Variants in ZNF511 observed in about 807,000 individuals in gnomAD.
ZNF511 encodes the protein zinc finger protein 511.
A neutral mutation model predicts 24.8 loss-of-function variants in ZNF511; 26 were observed. That is an observed-to-expected ratio of 1.05 (90% CI 0.77 to 1.46). The LOEUF (loss-of-function observed/expected upper bound fraction) is 1.46, where lower values mean the gene tolerates loss of function less well. Ranked by LOEUF, ZNF511 falls within the 40% of genes most tolerant of loss-of-function variation. The pLI, the probability that ZNF511 is intolerant of heterozygous loss-of-function variation, is 0.00. For synonymous variants in ZNF511, 144 were observed against 139.6 expected, an observed-to-expected ratio of 1.03 and a Z score of -0.22; for missense variants, 358 against 345.0, an observed-to-expected ratio of 1.04 and a Z score of -0.30.
rs1387797380 is a variant in ZNF511 at position 133,308,986 on chromosome 10, C to A, written c.43C>A (p.Pro15Thr). 8.0e-7 allele frequency: 1 copy of A among 1,246,372 alleles called. No individual in the cohort carries two copies. Among genetic ancestry groups the A allele is most frequent in the Non-Finnish European group, 1.0e-6 (1 of 987,948 alleles). 77.2% of individuals were successfully genotyped at this position (1,246,372 alleles called of 1,614,324 possible). Residue 15 changes from proline to threonine, a missense_variant, in exon 1 of 6, where the codon CCC (proline) becomes ACC (threonine). Coordinates refer to ENST00000361518, the MANE Select transcript of ZNF511 (RefSeq NM_145806.4). ...GCTGTGCGCCCGCCTCGCTGCGGGG[C>A]CCGGGGCGGCGGAGCCGCTGCCTGT... is the stretch of plus-strand genomic sequence containing the variant. ...PALCARLAAG[P>T]GAAEPLPVER...
chr10:133,311,019 C>T (rs1357431758), intron 4 of ZNF511, among the ~76,000 whole-genome samples: 2 of 152,204 alleles, frequency 1.3e-5, no homozygotes, highest in Non-Finnish European at 2.9e-5. Flanking sequence ...CCAGTCTGGT[C>T]GTGAACTCCT....
chr10:133,309,426 G>A lies in ZNF511; in HGVS notation c.190G>A (p.Val64Met). 1.2e-6 allele frequency: 2 copies of A among 1,612,590 alleles called. No homozygotes were observed. The highest frequency in any genetic ancestry group is 1.7e-6 in the Non-Finnish European group (2 of 1,179,762). The change falls in exon 2 of 6, where the codon GTG (valine) becomes ATG (methionine). Residue 64 changes from valine to methionine, a missense_variant. Coordinates refer to ENST00000361518, the MANE Select transcript of ZNF511 (RefSeq NM_145806.4). Reference protein sequence around the residue: ...DVQRHLYLQDVIMQVADVPEK... With the variant: ...DVQRHLYLQDMIMQVADVPEK... ...GCAGCGCCACCTCTACCTCCAGGAC[G>A]TGATCATGCAGGTGGCCGACGTGCC...
In ZNF511 at chr10:133,309,956, CCTGT is replaced by C. The variant is rs767561618; in HGVS notation, c.412_415del (p.Ser138ArgfsTer10). 22 of 1,613,288 alleles carry C rather than the reference CCTGT, an allele frequency of 1.4e-5. No individual in the cohort carries two copies. The highest frequency in any genetic ancestry group is 2.2e-5 in the East Asian group (1 of 44,884). On this transcript the variant is annotated frameshift_variant, in exon 3 of 6. Coordinates refer to ENST00000361518, the MANE Select transcript of ZNF511 (RefSeq NM_145806.4). LOFTEE classifies it high-confidence loss of function. Reference sequence around the variant, plus strand: ...AGTGGCACGATTCGCTCTTCCAGATCCTGTCTGAGAGGCAGGACATGGTGGGTGA... The same window carrying C: ...AGTGGCACGATTCGCTCTTCCAGATCCTGAGAGGCAGGACATGGTGGGTGA...
Position 133,311,819 on chromosome 10 carries a change from G to A in ZNF511, c.658G>A (p.Glu220Lys), listed in dbSNP as rs376621716. ...PVAASPAPAG[E>K]RRIYRHRIPS... ...GGCAGCCTCCCCTGCACCGGCAGGT[G>A]AGAGGCGGATCTACAGACATAGGTC... is the stretch of plus-strand genomic sequence containing the variant. The change falls in exon 5 of 6, where the codon GAG becomes AAG. Residue 220 changes from glutamate (E) to lysine (K), a missense_variant. Coordinates refer to ENST00000361518, the MANE Select transcript of ZNF511 (RefSeq NM_145806.4). The A allele has an allele frequency of 4.6e-5, 74 of 1,613,220 alleles. No individual in the cohort carries two copies. The highest frequency in any genetic ancestry group is 1.7e-4 in the Admixed American group (10 of 60,014).
rs907133614 is a variant in ZNF511, at chr10:133,308,940, G to C, written c.-4G>C. On this transcript the variant is annotated 5_prime_UTR_variant, in exon 1 of 6. Transcript: ENST00000361518. ...ACAGGCTGCGCCCGCCCGCGCCCGG[G>C]GTGATGCAGTTGCCCCCCGCGCTGT... 1 of 1,227,404 alleles carries C rather than the reference G, an allele frequency of 8.1e-7. No individual in the cohort carries two copies. The highest frequency in any genetic ancestry group is 1.0e-6 in the Non-Finnish European group (1 of 979,276). The allele number at this position is 1,227,404 out of a possible 1,614,324, so 76.0% of individuals were successfully genotyped here.
At chr10:133,312,580 G>T in intron 5 of ZNF511, 1 of 1,453,560 alleles carries the variant, frequency 6.9e-7, no homozygotes, top group South Asian at 1.4e-5. Context: ...TTCCCAGCGG[G>T]TGTGCGTTGG....
chr10:133,311,588 A>G, intron 4 of ZNF511, 128 bp from the exon 5 acceptor site: 12 of 789,700 alleles, frequency 1.5e-5, no homozygotes, highest in Non-Finnish European at 2.4e-5. Context: ...AAATCAGACT[A>G]TGCCAAAATA....
intron 4 of ZNF511, 74 bp downstream of exon 4, chr10:133,310,362 A>G (rs943942265): frequency 6.3e-7 from 1 of 1,580,522 alleles, no homozygotes; most frequent in South Asian, 1.1e-5. Flanking sequence ...CGGAATGCAT[A>G]GACGGTCAGA....
chr10:133,310,506 C>A, intron 4 of ZNF511: 1 of 592,798 alleles, frequency 1.7e-6, no homozygotes, highest in Non-Finnish European at 2.9e-6. Context: ...CCTGGCTGCC[C>A]AGCTCTGTGC....
intron 4 of ZNF511, 135 bp downstream of exon 4, chr10:133,310,423 T>C (rs1010490616): frequency 1.8e-6 from 2 of 1,141,848 alleles, no homozygotes; most frequent in Non-Finnish European, 2.5e-6. Context: ...TGCAGGTACC[T>C]GAAGCCCTGG....
At chr10:133,309,222 C>A in intron 1 of ZNF511, 126 bp downstream of exon 1, 1 of 712,532 alleles carries the variant, frequency 1.4e-6, no homozygotes, top group Non-Finnish European at 1.8e-6. Flanking sequence ...CTGGGACAGG[C>A]GGGACCTGAG....
chr10:133,312,758 G>A (rs1432593799), intron 5 of ZNF511, 30 bp from the exon 6 acceptor site: 3 of 1,614,002 alleles, frequency 1.9e-6, no homozygotes, highest in East Asian at 4.5e-5. Context: ...GGCAAATACA[G>A]CATCTAATAG....
chr10:133,310,092 A>G, intron 3 of ZNF511, 72 bp from the exon 4 acceptor site: 1 of 1,611,308 alleles, frequency 6.2e-7, no homozygotes, highest in Non-Finnish European at 8.5e-7. Context: ...CGCCCTTGGC[A>G]GCTCTGCTAC....
rs1184133666 is a variant in ZNF511, at chr10:133,309,875, C to T, written c.327C>T (p.Cys109=). 2 of 1,613,852 alleles carry T rather than the reference C, an allele frequency of 1.2e-6. No homozygotes were observed. ...HHYHTLHGNV[C]SFCKRAFPSG... is the part of the protein sequence containing the mutation. ...ACCACACGCTGCACGGAAATGTTTG[C>T]TCCTTTTGCAAGCGGGCCTTCCCTT... is the stretch of plus-strand genomic sequence containing the variant. Residue 109 remains cysteine (C), a synonymous_variant, in exon 3 of 6, where the codon TGC becomes TGT. Transcript: ENST00000361518.
intron 4 of ZNF511, 146 bp downstream of exon 4, chr10:133,310,434 C>A: frequency 9.7e-7 from 1 of 1,035,952 alleles, no homozygotes; most frequent in Non-Finnish European, 1.4e-6. Flanking sequence ...GAAGCCCTGG[C>A]AACACAGCTA....
chr10:133,309,545 C>T (rs1355176790), intron 2 of ZNF511, 82 bp downstream of exon 2: 6 of 1,497,036 alleles, frequency 4.0e-6, no homozygotes, highest in Admixed American at 3.8e-5. Flanking sequence ...GCTGTGCTGC[C>T]GCTCTTCCAT....
At chr10:133,312,560 TGC>T in intron 5 of ZNF511, 1 of 1,417,740 alleles carries the variant, frequency 7.1e-7, no homozygotes, top group Non-Finnish European at 9.2e-7. Context: ...CCGCCCTCTC[TGC>T]GGAGTTCTTC....
Position 133,309,405 on chromosome 10 carries a change from C to T in ZNF511, c.169C>T (p.Arg57Cys), listed in dbSNP as rs370544381. The stretch of plus-strand genomic sequence containing the variant: ...TTTCCTGCAGGATGGGGACGTGCAG[C>T]GCCACCTCTACCTCCAGGACGTGAT... ...HQFFEDGDVQRHLYLQDVIMQ... is the reference protein window; with the variant it reads ...HQFFEDGDVQCHLYLQDVIMQ... Residue 57 changes from arginine (R) to cysteine (C), a missense_variant, in exon 2 of 6, where the codon CGC becomes TGC. Arg to Cys is a radical substitution (Grantham distance 180). Coordinates refer to ENST00000361518, the MANE Select transcript of ZNF511 (RefSeq NM_145806.4). The T allele has an allele frequency of 1.2e-5, 20 of 1,611,852 alleles. No homozygotes were observed. The highest frequency in any genetic ancestry group is 1.6e-5 in the Non-Finnish European group (19 of 1,179,644).
At chr10:133,309,176 T>C (rs534153244) in intron 1 of ZNF511, 80 bp downstream of exon 1, 2 of 1,306,344 alleles carry the variant, frequency 1.5e-6, no homozygotes, top group African/African-American at 1.7e-5. Context: ...GAGCCTGGAG[T>C]GGGAGGGGCC....
Sources: allele counts gnomAD v4.1 joint callset (sites outside exome capture counted in the v4.1 genomes callset), GRCh38; gene constraint gnomAD v4.1.1; transcripts MANE v1.5; gene names NCBI Gene and HGNC (gene_info 2026-07-23, HGNC 2026-07-21).